The following SDK1 variants were observed in gnomAD, a reference collection of about 807,000 sequenced individuals.
SDK1 encodes sidekick cell adhesion molecule 1.
SDK1 carries 157 observed loss-of-function variants against 245.5 expected under a neutral mutation model. That is an observed-to-expected ratio of 0.64 (90% confidence interval 0.56 to 0.73). The LOEUF (loss-of-function observed/expected upper bound fraction) is 0.73. Ranked by LOEUF, SDK1 falls within the 30% of genes least tolerant of loss-of-function variation. The pLI, the probability that SDK1 is intolerant of heterozygous loss-of-function variation, is 0.00. For synonymous variants in SDK1, 1,647 were observed against 1,278.5 expected (o/e 1.29, Z -6.15); for missense variants, 3,583 against 3,002.3 (o/e 1.19, Z -4.52).
chr7:3,352,914 T>C (rs750591763), intron 1 of SDK1, among the ~76,000 whole-genome samples: 5 of 152,050 alleles, frequency 3.3e-5, no homozygotes, highest in Non-Finnish European at 5.9e-5. Context: ...GAAGAAATAA[T>C]TTGTCACATC....
chr7:3,687,056 AACACACACACACACACAC>A (rs200034994), intron 4 of SDK1, among the ~76,000 whole-genome samples: 18 of 135,162 alleles, frequency 1.3e-4, no homozygotes, highest in East Asian at 2.1e-4. Flanking sequence ...ATAGCATCAA[AACACACACACACACACAC>A]ACACACACAC....
intron 1 of SDK1, among the ~76,000 whole-genome samples, chr7:3,541,862 T>A (rs563318225): frequency 1.3e-5 from 2 of 152,316 alleles, no homozygotes; most frequent in Admixed American, 6.5e-5. Context: ...AAATGCCCTC[T>A]TATGTTTTGT....
At chr7:3,557,006 G>A (rs549649761) in intron 1 of SDK1, among the ~76,000 whole-genome samples, 1 of 146,700 alleles carries the variant, frequency 6.8e-6, no homozygotes, top group Admixed American at 7.0e-5. Flanking sequence ...TAAAAAATAA[G>A]GAAAGGTCTC....
chr7:3,740,244 A>G (rs1323417696), intron 4 of SDK1, among the ~76,000 whole-genome samples: 5 of 152,192 alleles, frequency 3.3e-5, no homozygotes, highest in Non-Finnish European at 5.9e-5. Context: ...GTGAGATATT[A>G]GAGCCTTTTC....
intron 12 of SDK1, among the ~76,000 whole-genome samples, chr7:3,972,207 G>A (rs1220584696): frequency 2.0e-5 from 3 of 151,582 alleles, no homozygotes. Context: ...AGCCTCCCGA[G>A]TAGCTGGGAC....
At chr7:3,901,176 G>A (rs370322092) in intron 5 of SDK1, among the ~76,000 whole-genome samples, 2 of 151,924 alleles carry the variant, frequency 1.3e-5, no homozygotes, top group African/African-American at 2.4e-5. Context: ...CAAGTTAACT[G>A]TCTTTTTTTT....
chr7:3,753,459 C>A (rs1293394876), intron 4 of SDK1, among the ~76,000 whole-genome samples: 2 of 152,000 alleles, frequency 1.3e-5, no homozygotes, highest in African/African-American at 2.4e-5. Flanking sequence ...ATATTAGAAC[C>A]AAAAAGAGAA....
intron 32 of SDK1, among the ~76,000 whole-genome samples, chr7:4,172,109 G>A (rs1480632034): frequency 6.6e-6 from 1 of 152,158 alleles, no homozygotes; most frequent in Non-Finnish European, 1.5e-5. Context: ...AGTTGTTCCC[G>A]TTATGCTTTT....
chr7:3,742,076 G>C (rs911942717), intron 4 of SDK1, among the ~76,000 whole-genome samples: 2 of 148,680 alleles, frequency 1.3e-5, no homozygotes, highest in African/African-American at 2.5e-5. Context: ...GCACAAATTT[G>C]GGGGGGGAGC....
intron 35 of SDK1, among the ~76,000 whole-genome samples, chr7:4,180,118 C>T (rs1782503147): frequency 6.6e-6 from 1 of 152,088 alleles, no homozygotes; most frequent in South Asian, 2.1e-4. Context: ...GCGCCAGGGC[C>T]AGCCAAGCGG....
intron 5 of SDK1, among the ~76,000 whole-genome samples, chr7:3,922,916 C>T (rs1368554822): frequency 6.6e-6 from 1 of 152,190 alleles, no homozygotes; most frequent in East Asian, 1.9e-4. Flanking sequence ...GGTCAATCTT[C>T]CATTTTGCTT....
At chr7:4,023,548 G>T (rs761113955) in intron 17 of SDK1, among the ~76,000 whole-genome samples, 15 of 152,064 alleles carry the variant, frequency 9.9e-5, no homozygotes, top group Non-Finnish European at 1.9e-4. Flanking sequence ...TTAAATAACC[G>T]AAATGGACTC....
intron 1 of SDK1, among the ~76,000 whole-genome samples, chr7:3,369,157 G>A (rs779296646): frequency 2.0e-5 from 3 of 151,934 alleles, no homozygotes; most frequent in Non-Finnish European, 2.9e-5. Flanking sequence ...CAATTGTCAT[G>A]CCTCAGTTTC....
intron 1 of SDK1, among the ~76,000 whole-genome samples, chr7:3,612,677 T>G (rs1781631397): frequency 6.6e-6 from 1 of 152,148 alleles, no homozygotes. Flanking sequence ...AAAAGAAGTT[T>G]TGAAAGGAAG....
chr7:3,847,192 G>T (rs1780302323), intron 5 of SDK1, among the ~76,000 whole-genome samples: 1 of 151,892 alleles, frequency 6.6e-6, no homozygotes, highest in East Asian at 1.9e-4. Context: ...TTTACTCCTG[G>T]AACTCACATG....
rs142437446 is a variant in SDK1 at position 3,544,754 on chromosome 7, T to G, written c.299-74326T>G. On this transcript the variant is annotated intron_variant, in intron 1 of 44. Transcript: ENST00000404826. ...GGAAATCTAGGTTATGCTACAGCAC[T>G]TACCAACCAAGAAATCTCAGTGGCT... is the stretch of plus-strand genomic sequence containing the variant. Among the ~76,000 whole-genome samples, 957 of 152,306 alleles carry G rather than the reference T, an allele frequency of 6.3e-3. 11 individuals are homozygous for G. The highest frequency in any genetic ancestry group is 0.022 in the African/African-American group (905 of 41,562).
intron 5 of SDK1, among the ~76,000 whole-genome samples, chr7:3,835,288 C>T (rs558728986): frequency 6.6e-6 from 1 of 152,308 alleles, no homozygotes; most frequent in South Asian, 2.1e-4. Context: ...CAATTATCGA[C>T]TCATGTTTCT....
intron 1 of SDK1, among the ~76,000 whole-genome samples, chr7:3,537,807 G>C (rs1208355653): frequency 6.6e-6 from 1 of 152,170 alleles, no homozygotes; most frequent in Admixed American, 6.5e-5. Context: ...CTTCTGCCTA[G>C]AAGGTGATAG....
At chr7:3,720,142 G>A (rs1208629749) in intron 4 of SDK1, among the ~76,000 whole-genome samples, 1 of 152,092 alleles carries the variant, frequency 6.6e-6, no homozygotes, top group Non-Finnish European at 1.5e-5. Context: ...ATAAAAACCA[G>A]CCACTCGGGA....
Sources: gnomAD v4.1 joint callset for allele counts (sites outside exome capture counted in the v4.1 genomes callset) on GRCh38, gnomAD v4.1.1 for gene constraint, MANE v1.5 for transcripts, NCBI Gene and HGNC (gene_info 2026-07-23, HGNC 2026-07-21) for gene names.